CAPS2: variants seen among roughly 807,000 people sequenced by gnomAD.
The protein encoded by CAPS2 is calcyphosin-2.
CAPS2 carries 98 observed loss-of-function variants against 86.5 expected under a neutral mutation model. That is an observed-to-expected ratio of 1.13 (90% confidence interval 0.96 to 1.34). The LOEUF is 1.34. Ranked by LOEUF, CAPS2 falls within the 40% of genes most tolerant of loss-of-function variation. The pLI, the probability that CAPS2 is intolerant of heterozygous loss-of-function variation, is 0.00. For missense variants in CAPS2, 729 were observed against 686.8 expected (o/e 1.06, Z -0.69); for synonymous variants, 210 against 225.1 (o/e 0.93, Z 0.60).
In CAPS2 at chr12:75,289,725, A is replaced by G. The variant is rs367774244; in HGVS notation, c.1291T>C (p.Leu431=). The G allele has an allele frequency of 5.9e-5, 95 of 1,612,728 alleles. No homozygotes were observed. The East Asian group carries it at 1.5e-3, about 26-fold the overall frequency. ...TCCAACTGTTGAAAATATTTTCCCA[A>G]TCCAGTCAAAATACGAACACCTCTT... The change falls in exon 14 of 17, where the codon TTG becomes CTG. Residue 431 remains leucine, a synonymous_variant. Transcript: ENST00000393284.
intron 1 of CAPS2, among the ~76,000 whole-genome samples, chr12:75,388,930 T>C (rs972809486): frequency 6.6e-6 from 1 of 152,126 alleles, no homozygotes; most frequent in African/African-American, 2.4e-5. Flanking sequence ...CTCAGTTTTG[T>C]TGTGAACCTA....
At chr12:75,336,519 C>T (rs1051711535) in intron 1 of CAPS2, among the ~76,000 whole-genome samples, 9 of 151,632 alleles carry the variant, frequency 5.9e-5, no homozygotes, top group African/African-American at 2.2e-4. Flanking sequence ...ATATTTATGG[C>T]TACTGAAGTA....
exon 14 of CAPS2, chr12:75,289,638 A>G: frequency 6.2e-7 from 1 of 1,612,676 alleles, no homozygotes; most frequent in Non-Finnish European, 8.5e-7. Flanking sequence ...GACACTTCTA[A>G]GTGAAACACT....
At chr12:75,303,037 A>C (rs1172771067) in intron 8 of CAPS2, among the ~76,000 whole-genome samples, 1 of 152,216 alleles carries the variant, frequency 6.6e-6, no homozygotes, top group Non-Finnish European at 1.5e-5. Context: ...TACTCAGCAG[A>C]AATGAGTACA....
chr12:75,368,267 C>T (rs2044122040), intron 1 of CAPS2, among the ~76,000 whole-genome samples: 1 of 148,308 alleles, frequency 6.7e-6, no homozygotes, highest in South Asian at 2.1e-4. Context: ...CAATTTTTTG[C>T]ATTTATTTTT....
chr12:75,278,970 C>T (rs1283555723), exon 17 of CAPS2: 1 of 1,611,248 alleles, frequency 6.2e-7, no homozygotes, highest in South Asian at 1.1e-5. Flanking sequence ...TCATAGTAAT[C>T]TTCAAATTCA....
intron 1 of CAPS2, among the ~76,000 whole-genome samples, chr12:75,355,770 A>T (rs1279641852): frequency 7.9e-5 from 12 of 152,260 alleles, no homozygotes. Context: ...AATGTGGTAC[A>T]TATACAACAT....
chr12:75,315,374 C>G (rs1055300922), intron 6 of CAPS2, among the ~76,000 whole-genome samples: 5 of 152,074 alleles, frequency 3.3e-5, no homozygotes, highest in African/African-American at 1.2e-4. Context: ...TGATAATATT[C>G]ATTCTATTAA....
intron 11 of CAPS2, among the ~76,000 whole-genome samples, chr12:75,294,599 TG>T (rs2036563217): frequency 6.6e-6 from 1 of 152,148 alleles, no homozygotes. Context: ...ATGAAAAGTT[TG>T]TTTTTTCCCC....
intron 12 of CAPS2, 57 bp downstream of exon 12, chr12:75,293,192 A>G (rs1174055515): frequency 1.0e-6 from 1 of 1,001,306 alleles, no homozygotes; most frequent in Non-Finnish European, 1.6e-6. Flanking sequence ...ATTTTAAGAT[A>G]ATTTAAAAAT....
Position 75,298,440 on chromosome 12 carries a change from A to G in CAPS2, c.1044+247T>C, listed in dbSNP as rs1008716001. 13 of 468,058 alleles carry G rather than the reference A, an allele frequency of 2.8e-5. No individual in the cohort carries two copies. In the Middle Eastern group the frequency reaches 1.8e-3, roughly 64 times the overall value. The allele number at this position is 468,058 out of a possible 1,614,324, so 29.0% of individuals were successfully genotyped here. On this transcript the variant is annotated intron_variant, in intron 11 of 16. Transcript: ENST00000393284. ...ATACAACTTCATCTGGAGACAACCC[A>G]TGTTGTGGAATGGGAAGGGGGGTGT...
At chr12:75,381,058 C>A (rs2044938361) in intron 1 of CAPS2, among the ~76,000 whole-genome samples, 1 of 152,104 alleles carries the variant, frequency 6.6e-6, no homozygotes, top group Non-Finnish European at 1.5e-5. Context: ...GCTGTGTCAC[C>A]ACCCAAATCT....
upstream of CAPS2, among the ~76,000 whole-genome samples, chr12:75,331,335 A>T (rs534110495): frequency 2.6e-5 from 4 of 152,322 alleles, no homozygotes; most frequent in Admixed American, 1.3e-4. Context: ...CTCAGAATGT[A>T]TGTATCAAAA....
intron 7 of CAPS2, among the ~76,000 whole-genome samples, chr12:75,307,730 A>G (rs970705131): frequency 8.5e-5 from 13 of 152,224 alleles, no homozygotes; most frequent in African/African-American, 2.4e-4. Context: ...ATAAATAGAC[A>G]AAGTAGAAAG....
At chr12:75,278,365 A>C in exon 17 of CAPS2, 1 of 984,372 alleles carries the variant, frequency 1.0e-6, no homozygotes, top group Non-Finnish European at 1.2e-6. Flanking sequence ...TGCTTGAAAA[A>C]TTTCTCTTGC....
intron 9 of CAPS2, among the ~76,000 whole-genome samples, 194 bp from the exon 10 acceptor site, chr12:75,299,160 G>A (rs1329541279): frequency 3.3e-5 from 5 of 152,096 alleles, no homozygotes; most frequent in Non-Finnish European, 5.9e-5. Context: ...AGATTTGAAT[G>A]CAGAAAAAAA....
intron 14 of CAPS2, among the ~76,000 whole-genome samples, chr12:75,287,392 G>A (rs1351775585): frequency 6.6e-6 from 1 of 152,072 alleles, no homozygotes; most frequent in Non-Finnish European, 1.5e-5. Context: ...ATTTCAGAAG[G>A]GGTCCTGCCC....
intron 1 of CAPS2, among the ~76,000 whole-genome samples, chr12:75,364,480 G>A (rs1202323101): frequency 6.6e-6 from 1 of 152,200 alleles, no homozygotes; most frequent in Non-Finnish European, 1.5e-5. Context: ...AACCCCTATT[G>A]CCAAGGGACC....
chr12:75,283,728 C>T lies in CAPS2; in HGVS notation c.1515+1233G>A, dbSNP rs140245153. Among the ~76,000 whole-genome samples, 83 of 152,194 alleles carry T rather than the reference C, an allele frequency of 5.5e-4. No homozygotes were observed. The Middle Eastern group carries it at 0.01, about 19-fold the overall frequency. ...ACTTGGGAGGCTGAGACAGGAGAAT[C>T]GCTTGAACCCAGAAGGTGGAGGTTG... On this transcript the variant is annotated intron_variant, in intron 15 of 16. Coordinates refer to ENST00000393284, the Ensembl canonical transcript of CAPS2.
Sources: allele counts gnomAD v4.1 joint callset (sites outside exome capture counted in the v4.1 genomes callset), GRCh38; gene constraint gnomAD v4.1.1; transcripts MANE v1.5; gene names NCBI Gene and HGNC (gene_info 2026-07-23, HGNC 2026-07-21).